The following EXOC6B variants were observed in gnomAD, a reference collection of about 807,000 sequenced individuals.
EXOC6B encodes exocyst complex component 6B.
In EXOC6B, 54 loss-of-function variants were observed where a neutral mutation model predicts 113.5. The ratio of observed to expected loss-of-function variants is 0.48; its 90% CI spans 0.38 to 0.60. The LOEUF is 0.60. EXOC6B is among the 20% of genes least tolerant of loss of function. The pLI is 0.00. For missense variants in EXOC6B, 797 were observed against 977.5 expected (o/e 0.82, Z 2.46); for synonymous variants, 357 against 339.0 (o/e 1.05, Z -0.58).
At chr2:72,651,535 A>C (rs1674162944) in intron 6 of EXOC6B, among the ~76,000 whole-genome samples, 1 of 152,226 alleles carries the variant, frequency 6.6e-6, no homozygotes, top group Non-Finnish European at 1.5e-5. Flanking sequence ...TGCAGTTTTC[A>C]GCCATTAAAA....
chr2:72,640,940 C>T (rs1673177931), intron 6 of EXOC6B, among the ~76,000 whole-genome samples: 1 of 152,186 alleles, frequency 6.6e-6, no homozygotes, highest in African/African-American at 2.4e-5. Flanking sequence ...AATATATATG[C>T]ACCCAACACA....
chr2:72,265,479 C>T (rs1196902592), intron 20 of EXOC6B, among the ~76,000 whole-genome samples: 2 of 151,002 alleles, frequency 1.3e-5, no homozygotes, highest in African/African-American at 4.9e-5. Flanking sequence ...GTTCAATTCC[C>T]ATCTCTGAGT....
intron 20 of EXOC6B, among the ~76,000 whole-genome samples, chr2:72,201,440 A>T (rs1349552521): frequency 6.6e-6 from 1 of 152,024 alleles, no homozygotes; most frequent in Non-Finnish European, 1.5e-5. Context: ...ATGTAAAAAA[A>T]AATAGCAGGC....
intron 20 of EXOC6B, among the ~76,000 whole-genome samples, chr2:72,305,368 A>ATATGTG (rs1553370874): frequency 9.4e-5 from 14 of 148,952 alleles, no homozygotes; most frequent in Middle Eastern, 3.4e-3. Flanking sequence ...ATGTATATGT[A>ATATGTG]TATGTGTATG....
rs920191627 is a variant in EXOC6B at position 72,809,222 on chromosome 2, T to C, written c.113+16576A>G. On this transcript the variant is annotated intron_variant, in intron 1 of 21. Coordinates refer to ENST00000272427, the MANE Select transcript of EXOC6B (RefSeq NM_015189.3). ...AAAATAAAACTTCAAGCTTAAGCCTTGGGATATAAATAATTACATTAAATG... is the reference window on the plus strand; with the variant it reads ...AAAATAAAACTTCAAGCTTAAGCCTCGGGATATAAATAATTACATTAAATG... Among the ~76,000 whole-genome samples, 4 of 152,266 alleles carry C rather than the reference T, an allele frequency of 2.6e-5. No individual in the cohort carries two copies. In the East Asian group the frequency reaches 5.8e-4, roughly 22 times the overall value.
chr2:72,375,923 G>A (rs935738435), intron 19 of EXOC6B, among the ~76,000 whole-genome samples: 15 of 152,134 alleles, frequency 9.9e-5, no homozygotes, highest in Non-Finnish European at 1.3e-4. Flanking sequence ...AAGCCTCAGC[G>A]TAGCTGGACT....
intron 20 of EXOC6B, among the ~76,000 whole-genome samples, chr2:72,245,024 A>G (rs1366757110): frequency 6.6e-6 from 1 of 152,232 alleles, no homozygotes; most frequent in East Asian, 1.9e-4. Context: ...GTTCATGGAT[A>G]GGAAGACTCA....
chr2:72,194,741 G>A (rs762122686), intron 20 of EXOC6B, among the ~76,000 whole-genome samples: 3 of 152,152 alleles, frequency 2.0e-5, no homozygotes, highest in Non-Finnish European at 4.4e-5. Context: ...GAAATCTGGA[G>A]GAGGCCTTTG....
chr2:72,410,007 G>T (rs78044017), intron 18 of EXOC6B, among the ~76,000 whole-genome samples: 1 of 152,172 alleles, frequency 6.6e-6, no homozygotes, highest in Non-Finnish European at 1.5e-5. Flanking sequence ...AGGGACAAGC[G>T]CAAGTAAAAA....
At chr2:72,263,170 T>C (rs1396068879) in intron 20 of EXOC6B, 1 of 152,220 alleles carries the variant, frequency 6.6e-6, no homozygotes, top group African/African-American at 2.4e-5. Flanking sequence ...TGAGCTGCTC[T>C]GGATAACAGC....
intron 17 of EXOC6B, among the ~76,000 whole-genome samples, chr2:72,466,833 C>G (rs575805022): frequency 6.6e-6 from 1 of 152,140 alleles, no homozygotes; most frequent in African/African-American, 2.4e-5. Flanking sequence ...CATTACCTCA[C>G]ATACTTATTT....
At chr2:72,313,837 T>C (rs1303929923) in intron 20 of EXOC6B, among the ~76,000 whole-genome samples, 1 of 152,194 alleles carries the variant, frequency 6.6e-6, no homozygotes. Flanking sequence ...AATCCAAGCA[T>C]CTATGCAATT....
At chr2:72,403,262 T>C (rs1002056681) in intron 18 of EXOC6B, among the ~76,000 whole-genome samples, 1 of 152,228 alleles carries the variant, frequency 6.6e-6, no homozygotes, top group African/African-American at 2.4e-5. Flanking sequence ...TTATTTCACT[T>C]TATAACATTT....
intron 1 of EXOC6B, among the ~76,000 whole-genome samples, chr2:72,788,412 G>A (rs529828929): frequency 6.6e-6 from 1 of 152,146 alleles, no homozygotes; most frequent in African/African-American, 2.4e-5. Flanking sequence ...GGAAAGTGGG[G>A]TTCTTTTTTT....
chr2:72,729,326 T>C (rs1194928582), intron 5 of EXOC6B, among the ~76,000 whole-genome samples: 1 of 151,312 alleles, frequency 6.6e-6, no homozygotes, highest in African/African-American at 2.4e-5. Flanking sequence ...ATATATATAC[T>C]ATATATTTTT....
intron 20 of EXOC6B, among the ~76,000 whole-genome samples, chr2:72,192,986 T>C (rs1317778587): frequency 6.6e-6 from 1 of 152,230 alleles, no homozygotes; most frequent in Non-Finnish European, 1.5e-5. Flanking sequence ...CTGTATAAAG[T>C]GCAGTCCACT....
chr2:72,728,131 G>C (rs1309965170), intron 5 of EXOC6B, among the ~76,000 whole-genome samples: 2 of 152,124 alleles, frequency 1.3e-5, no homozygotes, highest in African/African-American at 4.8e-5. Flanking sequence ...AACAATGGTA[G>C]GATAAATGGG....
Position 72,685,992 on chromosome 2 carries a change from A to G in EXOC6B, c.669+32111T>C, listed in dbSNP as rs74680698. 6.7e-3 allele frequency among the ~76,000 whole-genome samples: 1,014 copies of G among 152,324 alleles called. 4 individuals are homozygous for G. The highest frequency in any genetic ancestry group is 0.02 in the Middle Eastern group (6 of 294). On this transcript the variant is annotated intron_variant, in intron 6 of 21. Coordinates refer to ENST00000272427, the MANE Select transcript of EXOC6B (RefSeq NM_015189.3). ...AAAGCCTACAAGACAGAACTTGTAT[A>G]TAAGTAGCAGCTCTTACAATACATC...
At chr2:72,241,893 T>C (rs1173706532) in intron 20 of EXOC6B, among the ~76,000 whole-genome samples, 1 of 151,946 alleles carries the variant, frequency 6.6e-6, no homozygotes, top group Non-Finnish European at 1.5e-5. Context: ...AAAATAATAT[T>C]GGTCAGAAAA....
Sources: gnomAD v4.1 joint callset for allele counts (sites outside exome capture counted in the v4.1 genomes callset) on GRCh38, gnomAD v4.1.1 for gene constraint, MANE v1.5 for transcripts, NCBI Gene and HGNC (gene_info 2026-07-23, HGNC 2026-07-21) for gene names.